CEP78: variants seen among roughly 807,000 people sequenced by gnomAD.
The protein encoded by CEP78 is centrosomal protein 78, also known as centrosomal protein of 78 kDa.
A neutral mutation model predicts 81.2 loss-of-function variants in CEP78; 76 were observed. The observed-to-expected ratio is 0.94, with a 90% CI of 0.78 to 1.13. The LOEUF (loss-of-function observed/expected upper bound fraction) is 1.13. Among genes scored for constraint, CEP78 ranks in the 50% most tolerant of loss-of-function variants. The pLI is 0.00. For missense variants in CEP78, 918 were observed against 846.8 expected (o/e 1.08, Z -1.04); for synonymous variants, 293 against 301.4 (o/e 0.97, Z 0.29).
chr9:78,279,045 C>T lies in CEP78; in HGVS notation c.*8194C>T, dbSNP rs1187423084. The T allele has an allele frequency of 7.7e-6, 1 of 129,102 alleles. No individual in the cohort carries two copies. The highest frequency in any genetic ancestry group is 2.2e-4 in the East Asian group (1 of 4,572). 8.0% of individuals were successfully genotyped at this position (129,102 alleles called of 1,614,324 possible). On this transcript the variant is annotated 3_prime_UTR_variant, in exon 17 of 17. Coordinates refer to ENST00000643273, the MANE Select transcript of CEP78 (RefSeq NM_001330691.3). The stretch of plus-strand genomic sequence containing the variant: ...CCGAGTTCTCTTAGTACAGTTTGTA[C>T]ATTTTAAACCACTGTGAACTGAAAA...
At chr9:78,245,597 A>G (rs754159015) in intron 5 of CEP78, among the ~76,000 whole-genome samples, 1 of 152,200 alleles carries the variant, frequency 6.6e-6, no homozygotes, top group Non-Finnish European at 1.5e-5. Flanking sequence ...ATTTTAATGT[A>G]ATGGTATACA....
In CEP78 at chr9:78,246,661, A is replaced by C. The variant is rs1040280976; in HGVS notation, c.779-8A>C. ...ATTAGCAAGTGACCCTTTGTCTTTCATCGAAAGCTCTTGACCTGCAACAGT... is the reference window on the plus strand; with the variant it reads ...ATTAGCAAGTGACCCTTTGTCTTTCCTCGAAAGCTCTTGACCTGCAACAGT... On this transcript the variant is annotated splice_polypyrimidine_tract_variant and splice_region_variant and intron_variant, in intron 5 of 16. Transcript: ENST00000643273. 1.3e-6 allele frequency: 2 copies of C among 1,562,670 alleles called. No individual in the cohort carries two copies. The highest frequency in any genetic ancestry group is 4.6e-5 in the East Asian group (2 of 43,912).
intron 11 of CEP78, among the ~76,000 whole-genome samples, chr9:78,255,453 A>G (rs997828386): frequency 3.3e-5 from 5 of 152,182 alleles, no homozygotes; most frequent in Non-Finnish European, 7.3e-5. Flanking sequence ...ACAGGAATGT[A>G]TGTCTCACAG....
chr9:78,277,384 A>G lies in CEP78; in HGVS notation c.*6533A>G, dbSNP rs530892892. On this transcript the variant is annotated 3_prime_UTR_variant, in exon 17 of 17. Transcript: ENST00000643273. ...AATAAAGGAGTGGGAAAATACATGT[A>G]ATAGAACAGAAGATTTAAGATAATA... 6.6e-6 allele frequency: 1 copy of G among 152,284 alleles called. No homozygotes were observed. The highest frequency in any genetic ancestry group is 2.1e-4 in the South Asian group (1 of 4,828). 9.4% of individuals were successfully genotyped at this position (152,284 alleles called of 1,614,324 possible).
At position 78,236,534 on chromosome 9, in the gene CEP78, C is replaced by G. The variant is rs751391396; in HGVS notation, c.184C>G (p.Leu62Val). 1 of 1,604,632 alleles carries G rather than the reference C, an allele frequency of 6.2e-7. No individual in the cohort carries two copies. The highest frequency in any genetic ancestry group is 8.5e-7 in the Non-Finnish European group (1 of 1,175,668). Residue 62 changes from leucine to valine, a missense_variant, in exon 1 of 17, where the codon CTC becomes GTC. By Grantham distance (32) the Leu-to-Val change is conservative (BLOSUM62 1). Coordinates refer to ENST00000643273, the MANE Select transcript of CEP78 (RefSeq NM_001330691.3). ...GGACTGGGCGCCTCTGCTGAGCACCCTCAAGATCAATAAAGACCTGCCCTT... is the reference window on the plus strand; with the variant it reads ...GGACTGGGCGCCTCTGCTGAGCACCGTCAAGATCAATAAAGACCTGCCCTT... ...GVDWAPLLST[L>V]KINKDLPLVS...
At chr9:78,239,022 G>C (rs78623033) in intron 1 of CEP78, among the ~76,000 whole-genome samples, 5,077 of 151,586 alleles carry the variant, frequency 0.033, 219 homozygotes, top group Admixed American at 0.13. Flanking sequence ...AAAAAACCAG[G>C]AACCAAAATA....
In CEP78 at chr9:78,236,128, C is replaced by G. The variant is rs932291365; in HGVS notation, c.-223C>G. 1.8e-5 allele frequency: 10 copies of G among 542,992 alleles called. No homozygotes were observed. The African/African-American group carries it at 2.0e-4, about 11-fold the overall frequency. 33.6% of individuals were successfully genotyped at this position (542,992 alleles called of 1,614,324 possible). On this transcript the variant is annotated 5_prime_UTR_variant, in exon 1 of 17. Transcript: ENST00000643273. ...ATGAGGCGGGCGCCAACTGCTTGGG[C>G]CGCAGGGCGGGAGGCAGCGCGGGAG...
At chr9:78,254,798 G>A (rs748426731) in intron 10 of CEP78, 38 bp from the exon 11 acceptor site, 2 of 1,553,628 alleles carry the variant, frequency 1.3e-6, no homozygotes, top group Non-Finnish European at 1.8e-6. Context: ...TTGGTATTCG[G>A]TTTATATTAT....
In CEP78 at chr9:78,277,577, A is replaced by T. The variant is rs1277964475; in HGVS notation, c.*6726A>T. The T allele has an allele frequency of 6.6e-6, 1 of 152,210 alleles. No individual in the cohort carries two copies. The highest frequency in any genetic ancestry group is 2.4e-5 in the African/African-American group (1 of 41,462). The allele number at this position is 152,210 out of a possible 1,614,324, so 9.4% of individuals were successfully genotyped here. Reference sequence around the variant, plus strand: ...ACATTGAAATGGCAGATTATTAAAGATTGGTGATAGTGCTGGAGATAATGT... The same window carrying T: ...ACATTGAAATGGCAGATTATTAAAGTTTGGTGATAGTGCTGGAGATAATGT... On this transcript the variant is annotated 3_prime_UTR_variant, in exon 17 of 17. Transcript: ENST00000643273.
intron 4 of CEP78, 134 bp downstream of exon 4, chr9:78,241,933 T>C (rs1826253321): frequency 3.8e-6 from 2 of 526,396 alleles, no homozygotes; most frequent in Non-Finnish European, 6.7e-6. Context: ...TTAAAGAATG[T>C]GACCAATTTT....
chr9:78,248,464 TC>T (rs1826602651), intron 7 of CEP78, 109 bp downstream of exon 7: 1 of 720,526 alleles, frequency 1.4e-6, no homozygotes, highest in Non-Finnish European at 2.4e-6. Context: ...CCAGTGATCT[TC>T]CCCCTTCCCA....
intron 11 of CEP78, among the ~76,000 whole-genome samples, chr9:78,256,866 A>G (rs889610535): frequency 9.9e-5 from 15 of 152,156 alleles, no homozygotes; most frequent in Non-Finnish European, 1.3e-4. Flanking sequence ...CAGTGCCTGT[A>G]AAAAAGAAAT....
At chr9:78,245,368 C>T (rs978079172) in intron 5 of CEP78, among the ~76,000 whole-genome samples, 11 of 152,062 alleles carry the variant, frequency 7.2e-5, no homozygotes, top group Admixed American at 7.2e-4. Flanking sequence ...GCTTTTATAT[C>T]CTTAAATGGT....
intron 16 of CEP78, chr9:78,267,191 G>A: frequency 2.0e-6 from 1 of 501,774 alleles, no homozygotes; most frequent in Non-Finnish European, 3.5e-6. Context: ...CATTGATTCA[G>A]CAATTGTTTA....
intron 3 of CEP78, among the ~76,000 whole-genome samples, 192 bp from the exon 4 acceptor site, chr9:78,241,504 A>G (rs1826227031): frequency 6.6e-6 from 1 of 152,222 alleles, no homozygotes. Context: ...AACTATTGCA[A>G]TAAACTGGAG....
intron 11 of CEP78, among the ~76,000 whole-genome samples, chr9:78,256,768 G>A (rs1041996234): frequency 1.7e-4 from 26 of 152,122 alleles, no homozygotes; most frequent in African/African-American, 6.0e-4. Flanking sequence ...GATAGGACCA[G>A]AGCTGATTAA....
rs759284886 is a variant in CEP78, at chr9:78,265,503, A to T, written c.1757A>T (p.Glu586Val). 3 of 1,581,470 alleles carry T rather than the reference A, an allele frequency of 1.9e-6. No homozygotes were observed. The Admixed American group carries it at 5.5e-5, about 29-fold the overall frequency. ...AAGGCGCTTGAAGATGAAAAACCAG[A>T]ACCGAAGCAGAATGCCCTAGGGCAA... ...EKKALEDEKP[E>V]PKQNALGQMQ... The change falls in exon 14 of 17, where the codon GAA (glutamate) becomes GTA (valine). Residue 586 changes from glutamate to valine, a missense_variant. Glu to Val is a moderately radical substitution (Grantham distance 121). Coordinates refer to ENST00000643273, the MANE Select transcript of CEP78 (RefSeq NM_001330691.3).
chr9:78,262,202 ATT>A (rs535753147), intron 11 of CEP78, among the ~76,000 whole-genome samples: 45 of 137,492 alleles, frequency 3.3e-4, no homozygotes, highest in Admixed American at 3.6e-4. Flanking sequence ...GGGATGTGCT[ATT>A]TTTTTTTTTT....
rs747401879 is a variant in CEP78, at chr9:78,240,009, T to C, written c.254-14T>C. The C allele has an allele frequency of 1.4e-5, 22 of 1,549,660 alleles. No individual in the cohort carries two copies. Among genetic ancestry groups the C allele is most frequent in the Non-Finnish European group, 1.9e-5 (22 of 1,155,428 alleles). On this transcript the variant is annotated splice_polypyrimidine_tract_variant and intron_variant, in intron 1 of 16. Coordinates refer to ENST00000643273, the MANE Select transcript of CEP78 (RefSeq NM_001330691.3). ...ATGATTGAAGTCACTAACTTTCTTTTATCTTTGTTTTAGGTTCTGACATGA... is the reference window on the plus strand; with the variant it reads ...ATGATTGAAGTCACTAACTTTCTTTCATCTTTGTTTTAGGTTCTGACATGA...
Sources: gnomAD v4.1 joint callset for allele counts (sites outside exome capture counted in the v4.1 genomes callset) on GRCh38, gnomAD v4.1.1 for gene constraint, MANE v1.5 for transcripts, NCBI Gene and HGNC (gene_info 2026-07-23, HGNC 2026-07-21) for gene names.